Variants in KLK11 observed in about 807,000 individuals in gnomAD.
KLK11 encodes the protein kallikrein related peptidase 11.
A neutral mutation model predicts 23.4 loss-of-function variants in KLK11; 10 were observed. That is an observed-to-expected ratio of 0.43 (90% CI 0.26 to 0.73). The LOEUF (loss-of-function observed/expected upper bound fraction) is 0.73. Among genes scored for constraint, KLK11 ranks in the 30% least tolerant of loss-of-function variants. The probability of loss-of-function intolerance (pLI) is 0.22; values close to 1 mark genes in which losing one functional copy is unlikely to be tolerated. For missense variants in KLK11, 285 were observed against 327.8 expected (o/e 0.87, Z 1.01); for synonymous variants, 131 against 131.7 (o/e 0.99, Z 0.03).
chr19:51,026,014 T>G (rs1172357032), intron 1 of KLK11, among the ~76,000 whole-genome samples: 2 of 152,130 alleles, frequency 1.3e-5, no homozygotes, highest in Non-Finnish European at 2.9e-5. Context: ...GATGTTTTCC[T>G]TCTTGCCTTG....
upstream of KLK11, chr19:51,026,743 C>T (rs564879336): frequency 4.3e-5 from 13 of 304,540 alleles, no homozygotes; most frequent in African/African-American, 2.0e-4. Context: ...GGGCCCTCCC[C>T]GGAGGCCTCT....
At chr19:51,027,907 T>A (rs182329020), upstream of KLK11, 1 of 181,224 alleles carries the variant, frequency 5.5e-6, no homozygotes, top group Non-Finnish European at 1.2e-5. Flanking sequence ...TCCTCCAGTT[T>A]CCCTTCAGTG....
chr19:51,024,804 G>A lies in KLK11; in HGVS notation c.41-10C>T, dbSNP rs1042942589. ...TCTCCCCCTACAAGCCCTGGAGGGG[G>A]TGAGAGCAAAAGAAGGGGCTCAGGA... is the stretch of plus-strand genomic sequence containing the variant. On this transcript the variant is annotated splice_polypyrimidine_tract_variant and intron_variant, in intron 2 of 5. Transcript: ENST00000453757. This position sits in a 1 kb window ranked among gnomAD's most constrained non-coding sequence, Gnocchi z 6.2. 1.9e-5 allele frequency: 30 copies of A among 1,555,316 alleles called. No homozygotes were observed. The highest frequency in any genetic ancestry group is 2.4e-5 in the East Asian group (1 of 41,572).
chr19:51,027,509 C>T (rs1375769366), upstream of KLK11: 1 of 1,614,128 alleles, frequency 6.2e-7, no homozygotes, highest in Non-Finnish European at 8.5e-7. Context: ...GCCACCTCAA[C>T]CTCTGCATCT....
Position 51,026,553 on chromosome 19 carries a change from G to T in KLK11, c.-51C>A, listed in dbSNP as rs1016259059. ...CTGGACTCACAGGCTCTGGGGCTGG[G>T]GCTCTGGGGGCCCAGTGGCGGCGGA... On this transcript the variant is annotated 5_prime_UTR_variant, in exon 1 of 6. Transcript: ENST00000453757. 1.0e-6 allele frequency: 1 copy of T among 986,690 alleles called. No individual in the cohort carries two copies. The highest frequency in any genetic ancestry group is 1.2e-6 in the Non-Finnish European group (1 of 830,424). The allele number at this position is 986,690 out of a possible 1,614,324, so 61.1% of individuals were successfully genotyped here.
rs755483480 is a variant in KLK11 at position 51,022,536 on chromosome 19, G to C, written c.*9C>G. 6.2e-7 allele frequency: 1 copy of C among 1,614,068 alleles called. No individual in the cohort carries two copies. The highest frequency in any genetic ancestry group is 8.5e-7 in the Non-Finnish European group (1 of 1,179,990). The stretch of plus-strand genomic sequence containing the variant: ...TGGAGGGTGATGGGCTGTGGTGGGT[G>C]GGTCCAGTCTAATTGTTCTTCATCG... On this transcript the variant is annotated 3_prime_UTR_variant, in exon 6 of 6. Transcript: ENST00000453757.
rs115072271 is a variant in KLK11, at chr19:51,025,935, T to A, written c.-35-269A>T. ...CCATGTGGAAGTCGTTGGGAGGGGC[T>A]TTGAGCTGTCAAGCCATGGTTCGGC... On this transcript the variant is annotated intron_variant, in intron 1 of 5. Transcript: ENST00000453757. This position sits in a 1 kb window ranked among gnomAD's most constrained non-coding sequence, Gnocchi z 6.2. The A allele has an allele frequency of 5.5e-3, 1,684 of 307,606 alleles. 21 individuals are homozygous for A. Among genetic ancestry groups the A allele is most frequent in the African/African-American group, 0.031 (1,424 of 46,416 alleles). The allele number at this position is 307,606 out of a possible 1,614,324, so 19.1% of individuals were successfully genotyped here.
At position 51,023,111 on chromosome 19, in the gene KLK11, C is replaced by T. The variant is rs772494453; in HGVS notation, c.581G>A (p.Gly194Glu). Reference sequence around the variant, plus strand: ...ACTGACCTGGCAGGAGTCCTTGCCCCCTTCCTGCACGCTGGCACACACCAT... The same window carrying T: ...ACTGACCTGGCAGGAGTCCTTGCCCTCTTCCTGCACGCTGGCACACACCAT... ...DTMVCASVQE[G>E]GKDSCQGDSG... Residue 194 changes from glycine to glutamate, a missense_variant, in exon 5 of 6, where the codon GGG (glycine) becomes GAG (glutamate). Gly to Glu is a moderately conservative substitution (Grantham distance 98). Transcript: ENST00000453757. 1.2e-6 allele frequency: 2 copies of T among 1,610,500 alleles called. No homozygotes were observed.
chr19:51,022,752 C>T, intron 5 of KLK11, 55 bp from the exon 6 acceptor site: 1 of 1,600,790 alleles, frequency 6.2e-7, no homozygotes, highest in Non-Finnish European at 8.5e-7. Context: ...ATGGTGTTAG[C>T]CAGGGAGGAG....
At position 51,025,714 on chromosome 19, in the gene KLK11, G is replaced by T. The variant is rs760614705; in HGVS notation, c.-35-48C>A. 8.8e-5 allele frequency: 68 copies of T among 770,196 alleles called. 1 individual carries two copies. Among genetic ancestry groups the T allele is most frequent in the Non-Finnish European group, 1.4e-4 (66 of 475,868 alleles). The allele number at this position is 770,196 out of a possible 1,614,324, so 47.7% of individuals were successfully genotyped here. ...GGCCGCATCACTTTACGGGGAAATCGGGAGGGGGGGGCTGGCTCATGCCCT... is the reference window on the plus strand; with the variant it reads ...GGCCGCATCACTTTACGGGGAAATCTGGAGGGGGGGGCTGGCTCATGCCCT... On this transcript the variant is annotated intron_variant, in intron 1 of 5. Transcript: ENST00000453757. This position sits in a 1 kb window ranked among gnomAD's most constrained non-coding sequence, Gnocchi z 6.2.
At chr19:51,026,216 C>T (rs530684003) in intron 1 of KLK11, among the ~76,000 whole-genome samples, 141 of 152,128 alleles carry the variant, frequency 9.3e-4, no homozygotes, top group Middle Eastern at 6.8e-3. Context: ...AAGCCCTGTC[C>T]GCCAAACCCC....
rs2091490129 is a variant in KLK11, at chr19:51,026,593, C to T, written c.-91G>A. ...GTGGCGGCGGAGACGGCAGTGGCGG[C>T]AGCTACAGCAGGTAGGCTGGGTTGG... On this transcript the variant is annotated 5_prime_UTR_variant, in exon 1 of 6. Coordinates refer to ENST00000453757, the MANE Select transcript of KLK11 (RefSeq NM_001136032.3). 6 of 986,540 alleles carry T rather than the reference C, an allele frequency of 6.1e-6. No individual in the cohort carries two copies. The South Asian group carries it at 2.8e-4, about 46-fold the overall frequency. 61.1% of individuals were successfully genotyped at this position (986,540 alleles called of 1,614,324 possible). A position where few individuals can be genotyped will look rare whatever the true frequency, so the allele number is the denominator to read the frequency against.
In KLK11 at chr19:51,024,221, G is replaced by A. The variant is rs566081122; in HGVS notation, c.287C>T (p.Pro96Leu). Reference sequence around the variant, plus strand: ...GTTGGGGAGGCTGTTGTTGAAGCCGGGGTGGGGGAAGGACTCAGTGGCTGT... The same window carrying A: ...GTTGGGGAGGCTGTTGTTGAAGCCGAGGTGGGGGAAGGACTCAGTGGCTGT... ...TRTATESFPH[P>L]GFNNSLPNKD... is the part of the protein sequence containing the mutation. The change falls in exon 4 of 6, where the codon CCC (proline) becomes CTC (leucine). Residue 96 changes from proline (P) to leucine (L), a missense_variant. Physicochemically the swap from Pro to Leu is moderately conservative, Grantham distance 98 (BLOSUM62 -3). Coordinates refer to ENST00000453757, the MANE Select transcript of KLK11 (RefSeq NM_001136032.3). This position sits in a 1 kb window ranked among gnomAD's most constrained non-coding sequence, Gnocchi z 6.2. 1.9e-6 allele frequency: 3 copies of A among 1,614,078 alleles called. No homozygotes were observed. Among genetic ancestry groups the A allele is most frequent in the East Asian group, 2.2e-5 (1 of 44,874 alleles).
At chr19:51,027,848 G>A (rs139868678), upstream of KLK11, 1 of 260,212 alleles carries the variant, frequency 3.8e-6, no homozygotes, top group Non-Finnish European at 7.4e-6. Context: ...ACTGCGGGGG[G>A]GCTCAGCAAA....
chr19:51,024,731 C>T lies in KLK11; in HGVS notation c.104G>A (p.Trp35Ter). The T allele has an allele frequency of 6.2e-7, 1 of 1,603,318 alleles. No individual in the cohort carries two copies. Among genetic ancestry groups the T allele is most frequent in the Non-Finnish European group, 8.5e-7 (1 of 1,176,708 alleles). ...CGTCTTCTCGAACAGGGCTGCCTGCCAGGGCTGGGAGTGAGGCTTGCACTC... is the reference window on the plus strand; with the variant it reads ...CGTCTTCTCGAACAGGGCTGCCTGCTAGGGCTGGGAGTGAGGCTTGCACTC... The part of the protein sequence containing the change: ...GFECKPHSQP[W>*]QAALFEKTRL... The change falls in exon 3 of 6, where the codon TGG becomes TAG. Residue 35 changes from tryptophan (W) to a stop codon, truncating the protein, a stop_gained. Coordinates refer to ENST00000453757, the MANE Select transcript of KLK11 (RefSeq NM_001136032.3). LOFTEE classifies it high-confidence loss of function. The surrounding 1 kb of genome is among the most constrained non-coding windows in gnomAD (Gnocchi z 6.2).
upstream of KLK11, chr19:51,027,770 G>T: frequency 2.2e-6 from 1 of 464,894 alleles, no homozygotes. Flanking sequence ...TGAGAGATGG[G>T]GGTGACAGAC....
chr19:51,027,418 C>T (rs1009315676), upstream of KLK11: 9 of 1,607,396 alleles, frequency 5.6e-6, no homozygotes, highest in Admixed American at 1.5e-4. Context: ...CCCGCTTCTC[C>T]CTGCCGCCCA....
Position 51,023,075 on chromosome 19 carries a change from T to C in KLK11, c.600+17A>G. On this transcript the variant is annotated intron_variant, in intron 5 of 5. Coordinates refer to ENST00000453757, the MANE Select transcript of KLK11 (RefSeq NM_001136032.3). ...GCTGGGGATGGGGATGGGGCTGTGG[T>C]TGGAGACCACACTGACCTGGCAGGA... is the stretch of plus-strand genomic sequence containing the variant. The C allele has an allele frequency of 1.9e-6, 3 of 1,594,250 alleles. No homozygotes were observed. The highest frequency in any genetic ancestry group is 2.3e-5 in the East Asian group (1 of 43,950).
rs760614705 is a variant in KLK11, at chr19:51,025,714, G to A, written c.-35-48C>T. The A allele has an allele frequency of 2.3e-5, 18 of 770,196 alleles. No individual in the cohort carries two copies. Among genetic ancestry groups the A allele is most frequent in the African/African-American group, 3.6e-5 (2 of 55,944 alleles). 47.7% of individuals were successfully genotyped at this position (770,196 alleles called of 1,614,324 possible). A position where few individuals can be genotyped will look rare whatever the true frequency, so the allele number is the denominator to read the frequency against. ...GGCCGCATCACTTTACGGGGAAATC[G>A]GGAGGGGGGGGCTGGCTCATGCCCT... On this transcript the variant is annotated intron_variant, in intron 1 of 5. Transcript: ENST00000453757. This position sits in a 1 kb window ranked among gnomAD's most constrained non-coding sequence, Gnocchi z 6.2.
Sources: gnomAD v4.1 joint callset for allele counts (sites outside exome capture counted in the v4.1 genomes callset) on GRCh38, gnomAD v4.1.1 for gene constraint, Gnocchi (gnomAD v3.1) non-coding constraint, MANE v1.5 for transcripts, NCBI Gene and HGNC (gene_info 2026-07-23, HGNC 2026-07-21) for gene names.